GALNTL6: variants seen among roughly 807,000 people sequenced by gnomAD.
GALNTL6 encodes the protein polypeptide N-acetylgalactosaminyltransferase-like 6.
A neutral mutation model predicts 73.7 loss-of-function variants in GALNTL6; 46 were observed. That is an observed-to-expected ratio of 0.62 (90% CI 0.49 to 0.80). The LOEUF is 0.80. GALNTL6 is among the 30% of genes least tolerant of loss of function. The pLI is 0.00. For missense variants in GALNTL6, 604 were observed against 755.0 expected (o/e 0.80, Z 2.34); for synonymous variants, 259 against 263.7 (o/e 0.98, Z 0.17).
chr4:172,857,526 G>A (rs1744181474), intron 7 of GALNTL6, among the ~76,000 whole-genome samples: 1 of 152,182 alleles, frequency 6.6e-6, no homozygotes. Context: ...AAAGGGATAG[G>A]TGAACTAAAC....
intron 4 of GALNTL6, among the ~76,000 whole-genome samples, chr4:172,343,004 A>G (rs1454361011): frequency 6.6e-6 from 1 of 152,208 alleles, no homozygotes; most frequent in Non-Finnish European, 1.5e-5. Context: ...CACAGTGAGC[A>G]GAGACCCTCC....
At chr4:172,218,307 A>G (rs1300852543) in intron 2 of GALNTL6, among the ~76,000 whole-genome samples, 1 of 152,082 alleles carries the variant, frequency 6.6e-6, no homozygotes, top group Non-Finnish European at 1.5e-5. Flanking sequence ...GGCCTTTGTT[A>G]TGGAGAACCC....
In GALNTL6 at chr4:172,069,483, TAACAC is replaced by T. The variant is rs1250422859; in HGVS notation, c.139-160171_139-160167del. 4.8e-3 allele frequency among the ~76,000 whole-genome samples: 151 copies of T among 31,456 alleles called. 25 individuals are homozygous for T. The highest frequency in any genetic ancestry group is 6.8e-3 in the African/African-American group (102 of 15,044). 20.6% of individuals were successfully genotyped at this position (31,456 alleles called of 152,430 possible). A position where few individuals can be genotyped will look rare whatever the true frequency, so the allele number is the denominator to read the frequency against. ...ACACATATAACATATATGTTATATA[TAACAC>T]ATATGTTATATGTATAACACATATA... On this transcript the variant is annotated intron_variant, in intron 2 of 12. Transcript: ENST00000506823.
intron 8 of GALNTL6, among the ~76,000 whole-genome samples, chr4:172,902,561 G>T (rs1266527643): frequency 6.6e-6 from 1 of 152,138 alleles, no homozygotes; most frequent in African/African-American, 2.4e-5. Context: ...TCCAGGAAAA[G>T]CTCTTGATCA....
intron 7 of GALNTL6, among the ~76,000 whole-genome samples, chr4:172,862,703 A>G (rs1479932183): frequency 9.9e-6 from 1 of 100,992 alleles, no homozygotes; most frequent in Non-Finnish European, 2.6e-5. Context: ...TCATCTCAAA[A>G]AAAAGAAAAA....
chr4:172,442,615 A>G (rs1049923464), intron 5 of GALNTL6, among the ~76,000 whole-genome samples: 35 of 152,200 alleles, frequency 2.3e-4, no homozygotes, highest in African/African-American at 8.2e-4. Context: ...TAAATGCTCT[A>G]TCCCATCAGC....
At chr4:172,148,385 A>G (rs1246209678) in intron 2 of GALNTL6, among the ~76,000 whole-genome samples, 1 of 152,136 alleles carries the variant, frequency 6.6e-6, no homozygotes, top group Non-Finnish European at 1.5e-5. Flanking sequence ...CTCTTAAACT[A>G]TGACTTAGAA....
At chr4:172,635,572 A>T (rs1292234099) in intron 5 of GALNTL6, among the ~76,000 whole-genome samples, 3 of 152,086 alleles carry the variant, frequency 2.0e-5, no homozygotes, top group African/African-American at 4.8e-5. Context: ...CCTCACAAAT[A>T]TACTTATTCA....
At chr4:172,786,313 A>T (rs913661299) in intron 5 of GALNTL6, among the ~76,000 whole-genome samples, 2 of 152,212 alleles carry the variant, frequency 1.3e-5, no homozygotes, top group Non-Finnish European at 2.9e-5. Flanking sequence ...AGTAGTTTGC[A>T]AAATATAAGT....
intron 3 of GALNTL6, among the ~76,000 whole-genome samples, chr4:172,250,904 A>G (rs1737842504): frequency 6.6e-6 from 1 of 152,162 alleles, no homozygotes; most frequent in Admixed American, 6.5e-5. Flanking sequence ...AACATATCAG[A>G]CACCTGGAGC....
At chr4:172,779,374 C>G (rs1050646620) in intron 5 of GALNTL6, among the ~76,000 whole-genome samples, 1 of 152,128 alleles carries the variant, frequency 6.6e-6, no homozygotes, top group African/African-American at 2.4e-5. Flanking sequence ...AAATACCTGG[C>G]AGACACAGCA....
At chr4:172,755,042 C>T (rs1737665150) in intron 5 of GALNTL6, among the ~76,000 whole-genome samples, 1 of 152,096 alleles carries the variant, frequency 6.6e-6, no homozygotes, top group East Asian at 1.9e-4. Context: ...TGAGCCTGCA[C>T]TAGAGTCCAT....
At chr4:172,999,144 C>A (rs913573236) in intron 10 of GALNTL6, among the ~76,000 whole-genome samples, 2 of 152,238 alleles carry the variant, frequency 1.3e-5, no homozygotes, top group African/African-American at 4.8e-5. Flanking sequence ...CCAACTTTTC[C>A]CACGCCAAGG....
intron 2 of GALNTL6, among the ~76,000 whole-genome samples, chr4:172,155,844 A>C (rs1734236594): frequency 6.6e-6 from 1 of 151,502 alleles, no homozygotes; most frequent in South Asian, 2.1e-4. Flanking sequence ...CCATTTTCTA[A>C]CCTTTCTTAC....
chr4:172,057,172 T>G (rs1731039914), intron 2 of GALNTL6, among the ~76,000 whole-genome samples: 1 of 152,002 alleles, frequency 6.6e-6, no homozygotes, highest in Non-Finnish European at 1.5e-5. Context: ...CTTTGGAAGG[T>G]TGAGGCTGAC....
intron 2 of GALNTL6, among the ~76,000 whole-genome samples, chr4:171,944,024 T>C (rs760516088): frequency 6.6e-6 from 1 of 152,026 alleles, no homozygotes; most frequent in Non-Finnish European, 1.5e-5. Flanking sequence ...GTAATAAGAC[T>C]TGCCTTAGTA....
At chr4:171,943,604 T>C in intron 2 of GALNTL6, among the ~76,000 whole-genome samples, 1 of 152,196 alleles carries the variant, frequency 6.6e-6, no homozygotes, top group Middle Eastern at 3.2e-3. Flanking sequence ...CTCAAGGCAA[T>C]GTTATTGTAA....
chr4:172,703,571 G>A (rs1345846958), intron 5 of GALNTL6, among the ~76,000 whole-genome samples: 1 of 151,936 alleles, frequency 6.6e-6, no homozygotes, highest in Non-Finnish European at 1.5e-5. Flanking sequence ...TAACCTTTCT[G>A]ATGTGCTGTT....
chr4:172,302,309 G>A (rs2111124508), intron 3 of GALNTL6, among the ~76,000 whole-genome samples: 1 of 152,226 alleles, frequency 6.6e-6, no homozygotes, highest in Non-Finnish European at 1.5e-5. Context: ...CTGACCCCTT[G>A]AATTTCCTGG....
Sources: allele counts gnomAD v4.1 joint callset (sites outside exome capture counted in the v4.1 genomes callset), GRCh38; gene constraint gnomAD v4.1.1; transcripts MANE v1.5; gene names NCBI Gene and HGNC (gene_info 2026-07-23, HGNC 2026-07-21).